The following NRIP1 variants were observed in gnomAD, a reference collection of about 807,000 sequenced individuals.
NRIP1 encodes nuclear receptor-interacting protein 1.
A neutral mutation model predicts 75.0 loss-of-function variants in NRIP1; 28 were observed. That is an observed-to-expected ratio of 0.37 (90% CI 0.28 to 0.51). The LOEUF (loss-of-function observed/expected upper bound fraction) is 0.51. Among genes scored for constraint, NRIP1 ranks in the 20% least tolerant of loss-of-function variants. The probability of loss-of-function intolerance (pLI) is 0.92; values close to 1 mark genes in which losing one functional copy is unlikely to be tolerated. For missense variants in NRIP1, 1,435 were observed against 1,343.7 expected (o/e 1.07, Z -1.06); for synonymous variants, 526 against 487.6 (o/e 1.08, Z -1.04).
At chr21:14,990,632 G>A (rs917351281) in intron 3 of NRIP1, among the ~76,000 whole-genome samples, 4 of 152,146 alleles carry the variant, frequency 2.6e-5, no homozygotes, top group Non-Finnish European at 5.9e-5. Flanking sequence ...AAGAGATGCT[G>A]GTGTTCAAGC....
intron 1 of NRIP1, among the ~76,000 whole-genome samples, chr21:15,056,313 T>C (rs956104131): frequency 7.0e-6 from 1 of 142,568 alleles, no homozygotes; most frequent in Non-Finnish European, 1.5e-5. Flanking sequence ...AAAAAGAAAA[T>C]GTGACTTTGA....
intron 2 of NRIP1, among the ~76,000 whole-genome samples, chr21:15,028,139 C>T (rs1203204429): frequency 6.6e-6 from 1 of 152,086 alleles, no homozygotes; most frequent in Non-Finnish European, 1.5e-5. Flanking sequence ...TTATAAGGTG[C>T]TTTTTTGGCA....
chr21:15,025,953 A>G (rs2088507635), intron 2 of NRIP1, among the ~76,000 whole-genome samples: 1 of 152,180 alleles, frequency 6.6e-6, no homozygotes, highest in Non-Finnish European at 1.5e-5. Context: ...TTTTGCTGAA[A>G]AGGACATTAT....
At chr21:15,029,560 A>T (rs1240537043) in intron 2 of NRIP1, among the ~76,000 whole-genome samples, 8 of 152,198 alleles carry the variant, frequency 5.3e-5, no homozygotes, top group Non-Finnish European at 1.0e-4. Context: ...TCTCACCAAT[A>T]AAATGTAAGC....
intron 2 of NRIP1, among the ~76,000 whole-genome samples, chr21:15,018,533 T>C (rs1362964140): frequency 6.6e-6 from 1 of 152,040 alleles, no homozygotes; most frequent in Non-Finnish European, 1.5e-5. Context: ...GAATTTCCAA[T>C]AAAAGAAATA....
At chr21:14,986,691 C>T (rs2087414062) in intron 3 of NRIP1, among the ~76,000 whole-genome samples, 1 of 152,160 alleles carries the variant, frequency 6.6e-6, no homozygotes, top group Non-Finnish European at 1.5e-5. Flanking sequence ...ATATATGACA[C>T]ATCAAATCAA....
chr21:15,031,091 TC>T (rs2088667979), intron 2 of NRIP1, among the ~76,000 whole-genome samples: 1 of 28,600 alleles, frequency 3.5e-5, no homozygotes, highest in East Asian at 1.9e-3. Flanking sequence ...TGGAAGGCGC[TC>T]GGAGGATCAC....
chr21:14,991,088 GACA>G (rs1484906441), intron 3 of NRIP1: 1 of 151,906 alleles, frequency 6.6e-6, no homozygotes, highest in East Asian at 1.9e-4. Context: ...AAAATGTCTT[GACA>G]ACAATTGCCT....
At chr21:15,025,101 C>T (rs879280788) in intron 2 of NRIP1, among the ~76,000 whole-genome samples, 23 of 152,092 alleles carry the variant, frequency 1.5e-4, no homozygotes, top group Admixed American at 1.5e-3. Context: ...CAAAAAGATG[C>T]ACTGTGGTGT....
At chr21:15,055,742 C>T (rs2089292267) in intron 1 of NRIP1, among the ~76,000 whole-genome samples, 1 of 152,192 alleles carries the variant, frequency 6.6e-6, no homozygotes, top group African/African-American at 2.4e-5. Flanking sequence ...CAAGATTTGA[C>T]TGACCATCCT....
chr21:15,030,044 T>C (rs2088608673), intron 2 of NRIP1, among the ~76,000 whole-genome samples: 2 of 152,156 alleles, frequency 1.3e-5, no homozygotes, highest in Admixed American at 1.3e-4. Context: ...TGACAAATAA[T>C]GTCTACTCTG....
chr21:15,017,971 TAACAC>T (rs2088276331), intron 2 of NRIP1, among the ~76,000 whole-genome samples: 1 of 152,100 alleles, frequency 6.6e-6, no homozygotes, highest in African/African-American at 2.4e-5. Flanking sequence ...CAACAAAAGA[TAACAC>T]AAAATAAACT....
chr21:15,055,600 T>C (rs1289575015), intron 1 of NRIP1, among the ~76,000 whole-genome samples: 1 of 152,208 alleles, frequency 6.6e-6, no homozygotes, highest in East Asian at 1.9e-4. Context: ...ATAGATCCCT[T>C]TGTGGGGTTA....
chr21:14,965,097 C>G lies in NRIP1; in HGVS notation c.3096G>C (p.Gly1032=), dbSNP rs770895901. 8 of 1,613,304 alleles carry G rather than the reference C, an allele frequency of 5.0e-6. No homozygotes were observed. The highest frequency in any genetic ancestry group is 1.6e-4 in the Middle Eastern group (1 of 6,078). ...GSRPESGLLN[G]CSMPSEKGPI... Reference sequence around the variant, plus strand: ...GTCCTTTCTCACTGGGCATGGAACACCCATTCAAAAGCCCAGATTCTGGTC... The same window carrying G: ...GTCCTTTCTCACTGGGCATGGAACAGCCATTCAAAAGCCCAGATTCTGGTC... Residue 1032 remains glycine (G), a synonymous_variant, in exon 4 of 4, where the codon GGG becomes GGC. Transcript: ENST00000318948.
Position 14,965,623 on chromosome 21 carries a change from TTAGGGAC to T in NRIP1, c.2563_2569del (p.Val855ArgfsTer10). On this transcript the variant is annotated frameshift_variant, in exon 4 of 4. Coordinates refer to ENST00000318948, the MANE Select transcript of NRIP1 (RefSeq NM_003489.4). LOFTEE classifies it high-confidence loss of function. ...TGGCTCAGTATAAAGCTTCCTTTTCTTAGGGACCATGCAAAGATTCTTTGATTCTAGA... is the reference window on the plus strand; with the variant it reads ...TGGCTCAGTATAAAGCTTCCTTTTCTCATGCAAAGATTCTTTGATTCTAGA... 6.2e-7 allele frequency: 1 copy of T among 1,613,424 alleles called. No individual in the cohort carries two copies. Among genetic ancestry groups the T allele is most frequent in the Non-Finnish European group, 8.5e-7 (1 of 1,179,896 alleles).
chr21:14,990,244 T>G (rs1016017014), intron 3 of NRIP1, among the ~76,000 whole-genome samples: 2 of 152,194 alleles, frequency 1.3e-5, no homozygotes, highest in African/African-American at 2.4e-5. Context: ...ATTTTCTTCT[T>G]TTCTCCATCT....
In NRIP1 at chr21:14,965,528, C is replaced by T; in HGVS notation, c.2665G>A (p.Val889Ile). ...DAANNHSAPE[V>I]LYGSLLNQEE... ...TGGTTAAGCAAGGACCCATACAGTA[C>T]TTCTGGGGCACTGTGATTGTTTGCA... The change falls in exon 4 of 4, where the codon GTA becomes ATA. Residue 889 changes from valine to isoleucine, a missense_variant. Val to Ile is a conservative substitution (Grantham distance 29). Coordinates refer to ENST00000318948, the MANE Select transcript of NRIP1 (RefSeq NM_003489.4). 1.2e-6 allele frequency: 2 copies of T among 1,614,008 alleles called. No homozygotes were observed. The highest frequency in any genetic ancestry group is 1.7e-6 in the Non-Finnish European group (2 of 1,179,932).
chr21:15,054,149 T>C (rs1159596775), intron 1 of NRIP1, among the ~76,000 whole-genome samples: 2 of 152,198 alleles, frequency 1.3e-5, no homozygotes, highest in African/African-American at 4.8e-5. Flanking sequence ...CTTAATCCCA[T>C]AACTTACCAA....
At chr21:15,060,886 C>G (rs1338821748) in intron 1 of NRIP1, among the ~76,000 whole-genome samples, 1 of 152,122 alleles carries the variant, frequency 6.6e-6, no homozygotes, top group Non-Finnish European at 1.5e-5. Flanking sequence ...TCCAACCTCT[C>G]GACATAATCT....
Sources: allele counts gnomAD v4.1 joint callset (sites outside exome capture counted in the v4.1 genomes callset), GRCh38; gene constraint gnomAD v4.1.1; transcripts MANE v1.5; gene names NCBI Gene and HGNC (gene_info 2026-07-23, HGNC 2026-07-21).